The following MAGI1 variants were observed in gnomAD, a reference collection of about 807,000 sequenced individuals.
The protein encoded by MAGI1 is membrane associated guanylate kinase, WW and PDZ domain containing 1.
In MAGI1, 58 loss-of-function variants were observed where a neutral mutation model predicts 139.9. That is an observed-to-expected ratio of 0.41 (90% CI 0.34 to 0.52). The LOEUF (loss-of-function observed/expected upper bound fraction) is 0.52, where lower values mean the gene tolerates loss of function less well. Among genes scored for constraint, MAGI1 ranks in the 20% least tolerant of loss-of-function variants. MAGI1 has a pLI of 0.12. For synonymous variants in MAGI1, 812 were observed against 737.9 expected (o/e 1.10, Z -1.63); for missense variants, 1,874 against 1,901.6 (o/e 0.99, Z 0.27).
intron 1 of MAGI1, among the ~76,000 whole-genome samples, chr3:65,838,265 T>C (rs924719406): frequency 2.6e-5 from 4 of 151,934 alleles, no homozygotes; most frequent in African/African-American, 4.8e-5. Context: ...TGAGCCGAGA[T>C]CCCGCCACTG....
intron 1 of MAGI1, among the ~76,000 whole-genome samples, chr3:65,995,999 A>G (rs2066427774): frequency 1.3e-5 from 2 of 152,178 alleles, no homozygotes; most frequent in African/African-American, 4.8e-5. Flanking sequence ...CCCTTTCTCA[A>G]AAAACAAAAC....
chr3:65,982,153 A>G (rs755092807), intron 1 of MAGI1, among the ~76,000 whole-genome samples: 3 of 152,184 alleles, frequency 2.0e-5, no homozygotes, highest in Admixed American at 6.5e-5. Flanking sequence ...ATTTACTCTA[A>G]CAAGTGCCTG....
chr3:65,544,294 C>T (rs2079398182), intron 2 of MAGI1, among the ~76,000 whole-genome samples: 1 of 152,104 alleles, frequency 6.6e-6, no homozygotes, highest in Admixed American at 6.5e-5. Context: ...CAAATGCTTC[C>T]AAGACCATTA....
chr3:65,515,768 G>T lies in MAGI1; in HGVS notation c.431-22137C>A, dbSNP rs984145670. On this transcript the variant is annotated intron_variant, in intron 2 of 22. Coordinates refer to ENST00000402939, the MANE Select transcript of MAGI1 (RefSeq NM_001033057.2). ...TCAGAATTGTCACTTGTCACTTCAG[G>T]CTTCATTGTAATCAACACCAAATCA... Among the ~76,000 whole-genome samples the T allele has an allele frequency of 2.6e-5, 4 of 152,236 alleles. No individual in the cohort carries two copies. The South Asian group carries it at 8.3e-4, about 32-fold the overall frequency.
chr3:66,031,270 G>C (rs557423412), intron 1 of MAGI1, among the ~76,000 whole-genome samples: 1 of 152,200 alleles, frequency 6.6e-6, no homozygotes, highest in Non-Finnish European at 1.5e-5. Context: ...CAAGGAAAGG[G>C]CCACTAACAC....
intron 1 of MAGI1, among the ~76,000 whole-genome samples, chr3:65,957,952 T>C (rs1016024681): frequency 1.3e-5 from 2 of 151,600 alleles, no homozygotes; most frequent in Non-Finnish European, 2.9e-5. Flanking sequence ...AGAAAGGGGG[T>C]TTCACCATGT....
intron 2 of MAGI1, among the ~76,000 whole-genome samples, chr3:65,506,921 G>A (rs41360346): frequency 0.026 from 3,909 of 152,194 alleles, 152 homozygotes; most frequent in African/African-American, 0.089. Flanking sequence ...AAATACATTC[G>A]TTCTCAGTTG....
chr3:65,746,679 G>C (rs2035737783), intron 1 of MAGI1, among the ~76,000 whole-genome samples: 1 of 152,066 alleles, frequency 6.6e-6, no homozygotes, highest in Non-Finnish European at 1.5e-5. Context: ...GGAAAAGCAT[G>C]ATTCCAGCCA....
intron 2 of MAGI1, among the ~76,000 whole-genome samples, chr3:65,504,895 C>T (rs529763647): frequency 6.6e-5 from 10 of 152,116 alleles, no homozygotes; most frequent in East Asian, 3.9e-4. Flanking sequence ...ATGGAAACCT[C>T]GCATTCATTA....
At chr3:65,836,691 C>T (rs531464793) in intron 1 of MAGI1, among the ~76,000 whole-genome samples, 30 of 152,024 alleles carry the variant, frequency 2.0e-4, no homozygotes, top group South Asian at 4.2e-4. Flanking sequence ...TGGTGGTGGG[C>T]GCCTATAATC....
chr3:65,377,898 C>T (rs1296416299), intron 17 of MAGI1, among the ~76,000 whole-genome samples: 1 of 152,118 alleles, frequency 6.6e-6, no homozygotes, highest in Non-Finnish European at 1.5e-5. Flanking sequence ...AGCAACACAC[C>T]AGGATTAAAT....
chr3:65,538,773 C>T (rs2079071609), intron 2 of MAGI1, among the ~76,000 whole-genome samples: 2 of 152,092 alleles, frequency 1.3e-5, no homozygotes, highest in Admixed American at 6.6e-5. Flanking sequence ...TTTCTCTGTT[C>T]GATCCTCAAC....
At chr3:66,037,072 T>G (rs1468332515) in intron 1 of MAGI1, among the ~76,000 whole-genome samples, 1 of 152,112 alleles carries the variant, frequency 6.6e-6, no homozygotes, top group Non-Finnish European at 1.5e-5. Flanking sequence ...CCTCCATACT[T>G]AAGGCTCTGC....
chr3:65,882,832 G>A (rs1189063087), intron 1 of MAGI1, among the ~76,000 whole-genome samples: 4 of 151,680 alleles, frequency 2.6e-5, no homozygotes, highest in Admixed American at 2.6e-4. Context: ...CTACTTGGGA[G>A]GCTGAGGTGG....
At chr3:65,923,040 A>G (rs958149466) in intron 1 of MAGI1, among the ~76,000 whole-genome samples, 1 of 152,190 alleles carries the variant, frequency 6.6e-6, no homozygotes, top group Non-Finnish European at 1.5e-5. Flanking sequence ...AGGGCTTAGA[A>G]GTGCTTAGAT....
chr3:65,858,758 C>A (rs2108432069), intron 1 of MAGI1, among the ~76,000 whole-genome samples: 1 of 152,260 alleles, frequency 6.6e-6, no homozygotes, highest in African/African-American at 2.4e-5. Context: ...GGGGTGAAAC[C>A]ACAGTGCAAT....
intron 1 of MAGI1, among the ~76,000 whole-genome samples, chr3:65,647,112 T>A (rs940933769): frequency 1.3e-5 from 2 of 152,168 alleles, no homozygotes; most frequent in Non-Finnish European, 2.9e-5. Flanking sequence ...ATTGATAAAC[T>A]TCTAGCAAGA....
intron 1 of MAGI1, among the ~76,000 whole-genome samples, chr3:65,993,320 G>A (rs557021337): frequency 2.6e-5 from 4 of 152,232 alleles, no homozygotes; most frequent in African/African-American, 7.2e-5. Context: ...TGACACCTCT[G>A]CCTCACTTAT....
intron 13 of MAGI1, among the ~76,000 whole-genome samples, chr3:65,395,533 T>G (rs1213747598): frequency 6.7e-6 from 1 of 148,404 alleles, no homozygotes; most frequent in Admixed American, 6.8e-5. Context: ...TCCCAGCTAC[T>G]TGGGAGGCTG....
Sources: allele counts gnomAD v4.1 joint callset (sites outside exome capture counted in the v4.1 genomes callset), GRCh38; gene constraint gnomAD v4.1.1; transcripts MANE v1.5; gene names NCBI Gene and HGNC (gene_info 2026-07-23, HGNC 2026-07-21).